ADGRD1: variants seen among roughly 807,000 people sequenced by gnomAD.
ADGRD1 encodes the protein G-protein coupled receptor 133.
Under a neutral mutation model 113.4 loss-of-function variants are expected in ADGRD1, and 77 were observed. That is an observed-to-expected ratio of 0.68 (90% CI 0.57 to 0.82). The LOEUF (loss-of-function observed/expected upper bound fraction) is 0.82. Among genes scored for constraint, ADGRD1 ranks in the 40% least tolerant of loss-of-function variants. ADGRD1 has a pLI of 0.00. For synonymous variants in ADGRD1, 474 were observed against 475.0 expected, an observed-to-expected ratio of 1.00 and a Z score of 0.03; for missense variants, 1,036 against 1,139.1, an observed-to-expected ratio of 0.91 and a Z score of 1.30.
chr12:130,983,819 T>C (rs181200901), intron 5 of ADGRD1, among the ~76,000 whole-genome samples: 3 of 152,288 alleles, frequency 2.0e-5, no homozygotes, highest in Admixed American at 2.0e-4. Flanking sequence ...GTGTGTCCTT[T>C]AAAAGGGCTG....
intron 5 of ADGRD1, among the ~76,000 whole-genome samples, chr12:130,982,921 A>AG (rs2136603329): frequency 6.6e-6 from 1 of 152,258 alleles, no homozygotes; most frequent in South Asian, 2.1e-4. Flanking sequence ...GCAGAGGTGG[A>AG]GGGGGCAGCA....
At chr12:131,012,922 C>T (rs1878118572) in intron 12 of ADGRD1, among the ~76,000 whole-genome samples, 2 of 152,182 alleles carry the variant, frequency 1.3e-5, no homozygotes, top group Admixed American at 6.5e-5. Context: ...GACAGCACGT[C>T]TCAGGCATCT....
chr12:131,038,431 G>A (rs556595581), intron 13 of ADGRD1, among the ~76,000 whole-genome samples: 24 of 152,344 alleles, frequency 1.6e-4, no homozygotes, highest in African/African-American at 5.3e-4. Context: ...TCGCAGAGCC[G>A]ACACTCCTCC....
chr12:131,037,297 T>A (rs1593092350), intron 13 of ADGRD1, among the ~76,000 whole-genome samples: 3 of 124,470 alleles, frequency 2.4e-5, no homozygotes, highest in African/African-American at 9.5e-5. Flanking sequence ...TCTCACTCAC[T>A]GCACCAGGAT....
At chr12:131,090,554 C>T (rs1374989162) in intron 15 of ADGRD1, among the ~76,000 whole-genome samples, 2 of 152,316 alleles carry the variant, frequency 1.3e-5, no homozygotes, top group East Asian at 3.9e-4. Context: ...TTGTGGAAAG[C>T]CTATCAGACA....
chr12:131,033,106 C>T (rs13378010), intron 13 of ADGRD1, among the ~76,000 whole-genome samples: 29,184 of 152,252 alleles, frequency 0.19, 3,366 homozygotes, highest in African/African-American at 0.32. Context: ...ATTCATGGCT[C>T]GTGCCAGGCA....
At chr12:131,126,199 G>C (rs562022371) in intron 20 of ADGRD1, among the ~76,000 whole-genome samples, 1 of 152,336 alleles carries the variant, frequency 6.6e-6, no homozygotes, top group African/African-American at 2.4e-5. Context: ...TTGCTCTCGT[G>C]AATAAGTTAA....
intron 12 of ADGRD1, among the ~76,000 whole-genome samples, chr12:131,013,365 C>T (rs985902390): frequency 7.2e-5 from 11 of 152,168 alleles, no homozygotes; most frequent in African/African-American, 2.4e-4. Flanking sequence ...CAATTCCCTT[C>T]TCAATCAGTC....
chr12:131,067,635 TTCTGAGCAGGGGCTGCCC>T, intron 13 of ADGRD1, among the ~76,000 whole-genome samples: 1 of 140,780 alleles, frequency 7.1e-6, no homozygotes, highest in African/African-American at 2.6e-5. Context: ...CTGATCCTTC[TTCTGAGCAGGGGCTGCCC>T]TCTGCCTCCT....
At chr12:131,130,666 C>T (rs901273957) in intron 20 of ADGRD1, among the ~76,000 whole-genome samples, 2 of 152,090 alleles carry the variant, frequency 1.3e-5, no homozygotes, top group Non-Finnish European at 2.9e-5. Flanking sequence ...AGGCCTGGCG[C>T]GGGCACCTAG....
In ADGRD1 at chr12:131,140,792, T is replaced by C. The variant is rs763157900; in HGVS notation, c.*1529T>C. The C allele has an allele frequency of 2.6e-5, 4 of 152,236 alleles. No homozygotes were observed. Among genetic ancestry groups the C allele is most frequent in the Admixed American group, 6.5e-5 (1 of 15,268 alleles). The allele number at this position is 152,236 out of a possible 1,614,324, so 9.4% of individuals were successfully genotyped here. The stretch of plus-strand genomic sequence containing the variant: ...TGGGGAGGGTAGGCAGGGAGCAGCA[T>C]GTCTGCAGGGGTGAACCTTTGCTCT... On this transcript the variant is annotated 3_prime_UTR_variant, in exon 25 of 25. Transcript: ENST00000261654.
At chr12:131,138,320 G>A in intron 24 of ADGRD1, 91 bp downstream of exon 24, 2 of 1,022,910 alleles carry the variant, frequency 2.0e-6, no homozygotes, top group African/African-American at 1.6e-5. Flanking sequence ...GGCAGCAGAG[G>A]TGGCTTCGGG....
At chr12:130,995,985 G>A (rs1875259868) in intron 8 of ADGRD1, among the ~76,000 whole-genome samples, 1 of 151,870 alleles carries the variant, frequency 6.6e-6, no homozygotes, top group Non-Finnish European at 1.5e-5. Context: ...GACTCTTAAC[G>A]AGCATGCTGC....
chr12:131,043,776 G>A lies in ADGRD1; in HGVS notation c.1473+29436G>A, dbSNP rs981032670. Among the ~76,000 whole-genome samples, 12 of 152,358 alleles carry A rather than the reference G, an allele frequency of 7.9e-5. No homozygotes were observed. In the South Asian group the frequency reaches 1.0e-3, roughly 13 times the overall value. On this transcript the variant is annotated intron_variant, in intron 13 of 24. Coordinates refer to ENST00000261654, the MANE Select transcript of ADGRD1 (RefSeq NM_198827.5). ...GCTGGGGAGCAGGCTCGTAGTGACC[G>A]GAGGGCATAGTGACTGGAGGGCGGG...
intron 2 of ADGRD1, among the ~76,000 whole-genome samples, chr12:130,960,652 ATC>A (rs1278490585): frequency 1.8e-4 from 3 of 16,388 alleles, no homozygotes; most frequent in Non-Finnish European, 9.5e-4. Flanking sequence ...AAATGCAAAA[ATC>A]TCTCTCTCAC....
intron 5 of ADGRD1, among the ~76,000 whole-genome samples, chr12:130,983,035 TA>T (rs1266177522): frequency 6.6e-6 from 1 of 152,164 alleles, no homozygotes; most frequent in Non-Finnish European, 1.5e-5. Flanking sequence ...GCCCAGTTAT[TA>T]AAAAGCGTGA....
chr12:131,037,548 T>C (rs1295661221), intron 13 of ADGRD1, among the ~76,000 whole-genome samples: 1 of 52,610 alleles, frequency 1.9e-5, no homozygotes, highest in East Asian at 6.5e-4. Flanking sequence ...GTCACTGCAC[T>C]GGGTCTCACT....
chr12:131,054,842 G>A (rs900518986), intron 13 of ADGRD1, among the ~76,000 whole-genome samples: 11 of 152,282 alleles, frequency 7.2e-5, no homozygotes, highest in Non-Finnish European at 1.3e-4. Flanking sequence ...TCGCTTCTGC[G>A]CTGTTTCCTG....
rs375360772 is a variant in ADGRD1, at chr12:130,992,980, G to T, written c.966+588G>T. On this transcript the variant is annotated intron_variant, in intron 8 of 24. Coordinates refer to ENST00000261654, the MANE Select transcript of ADGRD1 (RefSeq NM_198827.5). The stretch of plus-strand genomic sequence containing the variant: ...TCTTGGTGGATGCGAAGACAGAAGG[G>T]GTTTTGAGATTGGCTCACCTTGAAA... 3.0e-4 allele frequency among the ~76,000 whole-genome samples: 45 copies of T among 152,224 alleles called. No individual in the cohort carries two copies. The South Asian group carries it at 7.9e-3, about 27-fold the overall frequency.
Sources: allele counts gnomAD v4.1 joint callset (sites outside exome capture counted in the v4.1 genomes callset), GRCh38; gene constraint gnomAD v4.1.1; transcripts MANE v1.5; gene names NCBI Gene and HGNC (gene_info 2026-07-23, HGNC 2026-07-21).